Variants in SCEL observed in about 807,000 individuals in gnomAD.
SCEL encodes the protein sciellin.
A neutral mutation model predicts 117.6 loss-of-function variants in SCEL; 113 were observed. The ratio of observed to expected loss-of-function variants is 0.96; its 90% confidence interval spans 0.83 to 1.12. The LOEUF (loss-of-function observed/expected upper bound fraction) is 1.12. Ranked by LOEUF, SCEL falls within the 50% of genes most tolerant of loss-of-function variation. The pLI is 0.00. For synonymous variants in SCEL, 270 were observed against 256.2 expected (o/e 1.05, Z -0.51); for missense variants, 785 against 810.8 (o/e 0.97, Z 0.39).
At chr13:77,603,037 G>A (rs2087832024) in intron 17 of SCEL, 39 bp from the exon 18 acceptor site, 1 of 1,137,072 alleles carries the variant, frequency 8.8e-7, no homozygotes, top group Non-Finnish European at 1.3e-6. Context: ...TAATATTATG[G>A]GAATGTTTTG....
At chr13:77,590,974 C>T (rs2086832918) in intron 10 of SCEL, among the ~76,000 whole-genome samples, 2 of 151,994 alleles carry the variant, frequency 1.3e-5, no homozygotes, top group South Asian at 2.1e-4. Flanking sequence ...CTCTTCTTCC[C>T]ACCTTTTATG....
chr13:77,610,257 C>T (rs1453883865), intron 22 of SCEL, 151 bp downstream of exon 22: 3 of 451,056 alleles, frequency 6.7e-6, no homozygotes, highest in African/African-American at 4.1e-5. Context: ...TGGAGACCAT[C>T]CTGGCTAACA....
chr13:77,592,450 CA>C (rs2086924947), intron 11 of SCEL, among the ~76,000 whole-genome samples: 1 of 152,140 alleles, frequency 6.6e-6, no homozygotes, highest in Non-Finnish European at 1.5e-5. Context: ...TCCAAATCAG[CA>C]AAAGTCGGTT....
chr13:77,638,759 C>T (rs1383177153), intron 30 of SCEL, among the ~76,000 whole-genome samples: 1 of 152,028 alleles, frequency 6.6e-6, no homozygotes, highest in Non-Finnish European at 1.5e-5. Flanking sequence ...TCTCCATGGC[C>T]CTTCAGAACC....
rs1184355870 is a variant in SCEL, at chr13:77,555,884, T to C, written c.9T>C (p.Asn3=). MS[N]VTLRKMSPTG... ...CCTTACTGGAAGGCAGCATGTCCAA[T>C]GTTACCTTGAGAAAAATGTCTCCCA... The change falls in exon 2 of 33, where the codon AAT becomes AAC. Residue 3 remains asparagine (N), a synonymous_variant. Transcript: ENST00000349847. 1.9e-6 allele frequency: 3 copies of C among 1,613,234 alleles called. No individual in the cohort carries two copies. The highest frequency in any genetic ancestry group is 2.5e-6 in the Non-Finnish European group (3 of 1,179,294).
At position 77,535,803 on chromosome 13, in the gene SCEL, C is replaced by T. The variant is rs1294981834; in HGVS notation, c.-41C>T. The T allele has an allele frequency of 2.0e-5, 3 of 152,194 alleles. No individual in the cohort carries two copies. The highest frequency in any genetic ancestry group is 4.4e-5 in the Non-Finnish European group (3 of 68,048). The allele number at this position is 152,194 out of a possible 1,614,324, so 9.4% of individuals were successfully genotyped here. A position where few individuals can be genotyped will look rare whatever the true frequency, so the allele number is the denominator to read the frequency against. ...ACTACAGGCTGGTTAGCCAAAAAGT[C>T]CTGATTTTCTGCTCAATAGAGGTAA... On this transcript the variant is annotated 5_prime_UTR_variant, in exon 1 of 33. Coordinates refer to ENST00000349847, the MANE Select transcript of SCEL (RefSeq NM_144777.3).
intron 27 of SCEL, among the ~76,000 whole-genome samples, chr13:77,625,238 A>G (rs540879833): frequency 2.6e-5 from 4 of 152,352 alleles, no homozygotes; most frequent in East Asian, 3.9e-4. Context: ...AATATTGAGT[A>G]AAGTATTACT....
chr13:77,575,323 C>T (rs2085877993), intron 9 of SCEL, among the ~76,000 whole-genome samples: 1 of 152,016 alleles, frequency 6.6e-6, no homozygotes, highest in Admixed American at 6.6e-5. Flanking sequence ...ATGCCTATGA[C>T]TATGTTAGTC....
At chr13:77,552,865 C>A (rs1486184987) in intron 1 of SCEL, among the ~76,000 whole-genome samples, 1 of 151,988 alleles carries the variant, frequency 6.6e-6, no homozygotes, top group African/African-American at 2.4e-5. Flanking sequence ...GTCTTTAATC[C>A]ATCTTGAATT....
rs200111517 is a variant in SCEL at position 77,559,835 on chromosome 13, C to T, written c.193C>T (p.Arg65Ter). ...DENYGRVVLNRHNSHDALDRK... is the reference protein window; with the variant it reads ...DENYGRVVLN ...AAATTACGGTAGGGTGGTGCTCAACCGACATAATTCCCATGATGCATTGGA... is the reference window on the plus strand; with the variant it reads ...AAATTACGGTAGGGTGGTGCTCAACTGACATAATTCCCATGATGCATTGGA... Residue 65 changes from arginine to a stop codon, truncating the protein, a stop_gained, in exon 4 of 33, where the codon CGA becomes TGA. Coordinates refer to ENST00000349847, the MANE Select transcript of SCEL (RefSeq NM_144777.3). LOFTEE classifies it high-confidence loss of function. 6.8e-5 allele frequency: 110 copies of T among 1,613,596 alleles called. 1 individual carries two copies. The highest frequency in any genetic ancestry group is 2.6e-4 in the South Asian group (24 of 90,980).
At chr13:77,603,485 G>C (rs939825830) in intron 18 of SCEL, among the ~76,000 whole-genome samples, 1 of 152,164 alleles carries the variant, frequency 6.6e-6, no homozygotes, top group Non-Finnish European at 1.5e-5. Context: ...CATCATTGGA[G>C]CTCTGGTAAT....
chr13:77,554,977 C>CA (rs1423795224), intron 1 of SCEL, among the ~76,000 whole-genome samples: 1 of 152,092 alleles, frequency 6.6e-6, no homozygotes, highest in Non-Finnish European at 1.5e-5. Context: ...CAAAGGCCCC[C>CA]AATATATTTA....
At chr13:77,550,588 G>A (rs988236943) in intron 1 of SCEL, among the ~76,000 whole-genome samples, 1 of 151,938 alleles carries the variant, frequency 6.6e-6, no homozygotes, top group Non-Finnish European at 1.5e-5. Context: ...TGACTGTTCT[G>A]TACATTTCAT....
chr13:77,635,138 A>T (rs2090213997), intron 29 of SCEL, among the ~76,000 whole-genome samples: 2 of 152,208 alleles, frequency 1.3e-5, no homozygotes, highest in Admixed American at 6.5e-5. Context: ...GGCAGTCGTG[A>T]TGGGGATCCA....
intron 32 of SCEL, 144 bp downstream of exon 32, chr13:77,642,952 G>A: frequency 4.2e-6 from 2 of 478,660 alleles, no homozygotes; most frequent in Non-Finnish European, 7.3e-6. Context: ...TTATACTATG[G>A]TAGTATTTTG....
At position 77,613,967 on chromosome 13, in the gene SCEL, A is replaced by G. The variant is rs1435084815; in HGVS notation, c.1451+12A>G. The G allele has an allele frequency of 1.2e-6, 2 of 1,608,568 alleles. No individual in the cohort carries two copies. Among genetic ancestry groups the G allele is most frequent in the South Asian group, 2.2e-5 (2 of 90,600 alleles). ...AAAAACACTGATGGGTAAGAGATGGATGTGATTTTTGTTGTGTTTCTCGTT... is the reference window on the plus strand; with the variant it reads ...AAAAACACTGATGGGTAAGAGATGGGTGTGATTTTTGTTGTGTTTCTCGTT... On this transcript the variant is annotated intron_variant, in intron 24 of 32. Coordinates refer to ENST00000349847, the MANE Select transcript of SCEL (RefSeq NM_144777.3).
chr13:77,629,181 G>A (rs574723460), intron 28 of SCEL, among the ~76,000 whole-genome samples: 4 of 152,204 alleles, frequency 2.6e-5, no homozygotes, highest in South Asian at 4.2e-4. Context: ...TGGCATTGCC[G>A]GGCCTCAGAG....
intron 11 of SCEL, among the ~76,000 whole-genome samples, chr13:77,592,691 T>C (rs1489945047): frequency 6.6e-6 from 1 of 151,796 alleles, no homozygotes; most frequent in East Asian, 1.9e-4. Context: ...CCTGAGTAGT[T>C]GGGACTACGC....
At chr13:77,612,996 A>C in intron 23 of SCEL, 55 bp downstream of exon 23, 1 of 1,003,620 alleles carries the variant, frequency 1.0e-6, no homozygotes, top group Non-Finnish European at 1.5e-6. Context: ...TTTATGCCCC[A>C]AAATAAGATT....
Sources: gnomAD v4.1 joint callset for allele counts (sites outside exome capture counted in the v4.1 genomes callset) on GRCh38, gnomAD v4.1.1 for gene constraint, MANE v1.5 for transcripts, NCBI Gene and HGNC (gene_info 2026-07-23, HGNC 2026-07-21) for gene names.